Variants in SORCS1 observed in about 807,000 individuals in gnomAD.
The protein encoded by SORCS1 is VPS10 domain-containing receptor SorCS1.
Under a neutral mutation model 146.1 loss-of-function variants are expected in SORCS1, and 60 were observed. That is an observed-to-expected ratio of 0.41 (90% CI 0.33 to 0.51). The LOEUF is 0.51. Among genes scored for constraint, SORCS1 ranks in the 20% least tolerant of loss-of-function variants. SORCS1 has a pLI of 0.21. For synonymous variants in SORCS1, 637 were observed against 584.0 expected (o/e 1.09, Z -1.31); for missense variants, 1,352 against 1,487.6 (o/e 0.91, Z 1.50).
At chr10:107,009,926 G>A (rs1957623894) in intron 1 of SORCS1, among the ~76,000 whole-genome samples, 1 of 152,152 alleles carries the variant, frequency 6.6e-6, no homozygotes. Flanking sequence ...ACTCAGAAGT[G>A]TATCTGGTAC....
intron 1 of SORCS1, among the ~76,000 whole-genome samples, chr10:107,021,584 G>A (rs1402357490): frequency 6.7e-6 from 1 of 149,294 alleles, no homozygotes; most frequent in Non-Finnish European, 1.5e-5. Context: ...CCCAAATGCA[G>A]GGCAGTTTTA....
chr10:107,127,154 AAGG>A (rs1966758472), intron 1 of SORCS1, among the ~76,000 whole-genome samples: 1 of 152,092 alleles, frequency 6.6e-6, no homozygotes, highest in Admixed American at 6.5e-5. Context: ...TTGGCTTTTC[AAGG>A]AGGTTTGCTG....
chr10:107,180,492 A>T, the SORCS1 span, among the ~76,000 whole-genome samples: 1 of 152,140 alleles, frequency 6.6e-6, no homozygotes, highest in East Asian at 1.9e-4. Context: ...TTTATTTCTG[A>T]TTCTGATAAC....
intron 20 of SORCS1, among the ~76,000 whole-genome samples, chr10:106,618,520 C>T (rs1375924862): frequency 6.6e-6 from 1 of 152,130 alleles, no homozygotes; most frequent in African/African-American, 2.4e-5. Flanking sequence ...TGATTCAGGG[C>T]TGGGGAGATG....
intron 1 of SORCS1, among the ~76,000 whole-genome samples, chr10:106,976,333 G>GTTTTTTTTTTGTTTTTTTTTTTTT (rs757120275): frequency 4.4e-5 from 5 of 113,804 alleles, no homozygotes; most frequent in Non-Finnish European, 8.5e-5. Context: ...AGGTTTTTTT[G>GTTTTTTTTTTGTTTTTTTTTTTTT]TTTTTTTTTT....
intron 1 of SORCS1, among the ~76,000 whole-genome samples, chr10:107,080,058 T>A (rs1963208914): frequency 6.6e-6 from 1 of 152,216 alleles, no homozygotes; most frequent in Admixed American, 6.5e-5. Flanking sequence ...TTACAAACAC[T>A]CTGGTCATAA....
At chr10:106,613,918 C>G (rs995839625) in intron 21 of SORCS1, among the ~76,000 whole-genome samples, 1 of 152,122 alleles carries the variant, frequency 6.6e-6, no homozygotes, top group Admixed American at 6.5e-5. Flanking sequence ...GCAAACTCCC[C>G]TCTCATCATT....
intron 1 of SORCS1, among the ~76,000 whole-genome samples, chr10:107,017,793 A>C (rs1957960985): frequency 6.6e-6 from 1 of 151,972 alleles, no homozygotes; most frequent in African/African-American, 2.4e-5. Context: ...GTAGCACCCA[A>C]GTGCGTGCCA....
At chr10:106,830,836 T>C (rs747231388) in intron 2 of SORCS1, among the ~76,000 whole-genome samples, 1 of 150,898 alleles carries the variant, frequency 6.6e-6, no homozygotes. Context: ...GCAGAGACTG[T>C]AGTGAGCCGA....
intron 1 of SORCS1, among the ~76,000 whole-genome samples, chr10:107,117,737 T>C (rs1966132248): frequency 6.6e-6 from 1 of 152,194 alleles, no homozygotes; most frequent in African/African-American, 2.4e-5. Context: ...TTTCTCCCTT[T>C]TGAAATGAAA....
chr10:107,016,883 G>A (rs1010897180), intron 1 of SORCS1, among the ~76,000 whole-genome samples: 4 of 152,144 alleles, frequency 2.6e-5, no homozygotes, highest in African/African-American at 9.7e-5. Context: ...TCACAGGAGA[G>A]CTAAACAGCT....
intron 3 of SORCS1, among the ~76,000 whole-genome samples, chr10:106,818,626 C>T (rs1947862062): frequency 1.3e-5 from 2 of 152,174 alleles, no homozygotes; most frequent in South Asian, 4.1e-4. Flanking sequence ...GGCGGGATTA[C>T]AGGTGTGAGC....
intron 1 of SORCS1, among the ~76,000 whole-genome samples, chr10:107,116,855 A>C (rs1966073787): frequency 6.6e-6 from 1 of 152,228 alleles, no homozygotes; most frequent in African/African-American, 2.4e-5. Context: ...ACTATTTAAA[A>C]TATAAAAGAA....
At chr10:106,754,247 G>A in intron 5 of SORCS1, among the ~76,000 whole-genome samples, 1 of 152,260 alleles carries the variant, frequency 6.6e-6, no homozygotes, top group South Asian at 2.1e-4. Context: ...CTTTAACATT[G>A]GAGTGAATTG....
intron 18 of SORCS1, among the ~76,000 whole-genome samples, chr10:106,651,130 T>A (rs577906772): frequency 6.6e-6 from 1 of 152,272 alleles, no homozygotes; most frequent in Admixed American, 6.5e-5. Flanking sequence ...GAAAGGAGTA[T>A]GGGGTTACAC....
chr10:106,699,445 C>T (rs1589689757), intron 8 of SORCS1, 52 bp from the exon 9 acceptor site: 1 of 1,499,284 alleles, frequency 6.7e-7, no homozygotes, highest in Non-Finnish European at 9.0e-7. Context: ...TATACATTAA[C>T]CTGGCAGGCA....
chr10:106,919,472 G>A (rs1353097095), intron 2 of SORCS1, among the ~76,000 whole-genome samples: 1 of 152,192 alleles, frequency 6.6e-6, no homozygotes, highest in East Asian at 1.9e-4. Context: ...CCCCTGTCCA[G>A]GAACATGTAA....
At chr10:107,099,700 T>C (rs1964785161) in intron 1 of SORCS1, among the ~76,000 whole-genome samples, 1 of 152,142 alleles carries the variant, frequency 6.6e-6, no homozygotes, top group Non-Finnish European at 1.5e-5. Flanking sequence ...CAAGGAACCA[T>C]AGGTTAAACT....
intron 3 of SORCS1, among the ~76,000 whole-genome samples, chr10:106,814,784 G>T (rs1230157070): frequency 6.6e-6 from 1 of 151,602 alleles, no homozygotes; most frequent in Non-Finnish European, 1.5e-5. Context: ...GCGTGGTGGT[G>T]GGCGCCTGTA....
Sources: gnomAD v4.1 joint callset for allele counts (sites outside exome capture counted in the v4.1 genomes callset) on GRCh38, gnomAD v4.1.1 for gene constraint, MANE v1.5 for transcripts, NCBI Gene and HGNC (gene_info 2026-07-23, HGNC 2026-07-21) for gene names.